ABCA13: variants seen among roughly 807,000 people sequenced by gnomAD.
ABCA13 encodes the protein ATP binding cassette subfamily A member 13, also known as ATP-binding cassette sub-family A member 13.
ABCA13 carries 476 observed loss-of-function variants against 478.7 expected under a neutral mutation model. The observed-to-expected ratio is 0.99, with a 90% CI of 0.92 to 1.07. ABCA13 has a LOEUF of 1.07. Among genes scored for constraint, ABCA13 ranks in the 50% least tolerant of loss-of-function variants. The probability of loss-of-function intolerance (pLI) is 0.00; values close to 1 mark genes in which losing one functional copy is unlikely to be tolerated. For synonymous variants in ABCA13, 2,252 were observed against 2,158.9 expected (o/e 1.04, Z -1.20); for missense variants, 6,060 against 5,910.6 (o/e 1.03, Z -0.83).
intron 48 of ABCA13, among the ~76,000 whole-genome samples, chr7:48,503,536 T>C (rs1247693129): frequency 6.6e-6 from 1 of 152,208 alleles, no homozygotes; most frequent in Non-Finnish European, 1.5e-5. Context: ...GATTTTGCAG[T>C]GTTTGTCTTT....
At chr7:48,591,234 T>C (rs1789710550) in intron 57 of ABCA13, among the ~76,000 whole-genome samples, 1 of 152,048 alleles carries the variant, frequency 6.6e-6, no homozygotes, top group Non-Finnish European at 1.5e-5. Flanking sequence ...GAAGAGACTG[T>C]CCTTTTCCCA....
chr7:48,267,660 G>T (rs1795043879), intron 15 of ABCA13, among the ~76,000 whole-genome samples: 1 of 152,074 alleles, frequency 6.6e-6, no homozygotes, highest in Non-Finnish European at 1.5e-5. Flanking sequence ...ACCTTTAAAA[G>T]CAAAAACCAC....
chr7:48,642,968 G>A (rs1795205062), intron 59 of ABCA13, among the ~76,000 whole-genome samples: 1 of 152,160 alleles, frequency 6.6e-6, no homozygotes, highest in African/African-American at 2.4e-5. Flanking sequence ...TTCCAGCCCA[G>A]CTTCCCACTT....
chr7:48,314,319 C>T lies in ABCA13; in HGVS notation c.9769C>T (p.Leu3257Phe). ...KMVCKDQASFLSDSNMFINLP... is the reference protein window; with the variant it reads ...KMVCKDQASFFSDSNMFINLP... ...GGTTTGCAAGGACCAAGCATCATTCCTTAGCGATTCTAATATGTTTATTAA... is the reference window on the plus strand; with the variant it reads ...GGTTTGCAAGGACCAAGCATCATTCTTTAGCGATTCTAATATGTTTATTAA... Residue 3257 changes from leucine (L) to phenylalanine (F), a missense_variant, in exon 26 of 62, where the codon CTT (leucine) becomes TTT (phenylalanine). By Grantham distance (22) the Leu-to-Phe change is conservative. Around this residue, in one of 3 missense-constraint regions of ABCA13, gnomAD observed 4,423 missense variants for 4,309.1 expected, o/e 1.03. Coordinates refer to ENST00000435803, the MANE Select transcript of ABCA13 (RefSeq NM_152701.5). 6.2e-7 allele frequency: 1 copy of T among 1,613,488 alleles called. No homozygotes were observed. Among genetic ancestry groups the T allele is most frequent in the African/African-American group, 1.3e-5 (1 of 75,026 alleles).
chr7:48,450,953 T>C (rs10270214), intron 42 of ABCA13, among the ~76,000 whole-genome samples: 44,436 of 150,490 alleles, frequency 0.3, 6,690 homozygotes, highest in East Asian at 0.38. Flanking sequence ...ACTTGTTTCT[T>C]GCCTCTTGTT....
At chr7:48,604,751 T>C (rs1791292056) in intron 58 of ABCA13, among the ~76,000 whole-genome samples, 3 of 152,204 alleles carry the variant, frequency 2.0e-5, no homozygotes, top group Admixed American at 1.3e-4. Context: ...GTCTGCTTGG[T>C]CCAGAGCTGA....
intron 20 of ABCA13, among the ~76,000 whole-genome samples, chr7:48,293,607 T>C (rs1798895600): frequency 1.3e-5 from 2 of 152,204 alleles, no homozygotes; most frequent in South Asian, 4.1e-4. Context: ...GTGTATAGAT[T>C]CATGTGTATG....
At chr7:48,480,943 A>G in intron 45 of ABCA13, 93 bp from the exon 46 acceptor site, 2 of 774,536 alleles carry the variant, frequency 2.6e-6, no homozygotes, top group Non-Finnish European at 4.4e-6. Context: ...ATTGAAAGCT[A>G]GAGAACAATC....
chr7:48,342,889 G>T (rs1461955378), intron 29 of ABCA13, among the ~76,000 whole-genome samples: 3 of 151,990 alleles, frequency 2.0e-5, no homozygotes, highest in African/African-American at 7.2e-5. Context: ...CATTTCAGTT[G>T]TTGCATTTTC....
intron 55 of ABCA13, among the ~76,000 whole-genome samples, chr7:48,535,861 C>T (rs1338007124): frequency 2.0e-5 from 3 of 152,138 alleles, no homozygotes; most frequent in Admixed American, 1.3e-4. Context: ...TCACTCCCAC[C>T]GTGGCCCTCC....
At chr7:48,413,088 G>T (rs536551165) in intron 41 of ABCA13, among the ~76,000 whole-genome samples, 121 of 152,200 alleles carry the variant, frequency 8.0e-4, no homozygotes, top group African/African-American at 2.7e-3. Flanking sequence ...TGGGATTACA[G>T]GTGTGAGCCC....
At chr7:48,465,823 CCT>C (rs1197631433) in intron 43 of ABCA13, among the ~76,000 whole-genome samples, 3 of 148,696 alleles carry the variant, frequency 2.0e-5, no homozygotes, top group Non-Finnish European at 4.4e-5. Flanking sequence ...TATTAACCAA[CCT>C]CTTTCTCTCC....
chr7:48,553,383 C>T (rs1164244920), intron 55 of ABCA13, among the ~76,000 whole-genome samples: 1 of 151,954 alleles, frequency 6.6e-6, no homozygotes, highest in Non-Finnish European at 1.5e-5. Flanking sequence ...TGAGGAACTT[C>T]CAAACTTTTC....
Position 48,236,409 on chromosome 7 carries a change from C to T in ABCA13, c.897+2258C>T, listed in dbSNP as rs536145942. On this transcript the variant is annotated intron_variant, in intron 8 of 61. Transcript: ENST00000435803. ...ACTCTATTTTTAAACAGTTAGGGAA[C>T]GGTAAGAAGTTTTTCCTGCCTCTGC... Among the ~76,000 whole-genome samples the T allele has an allele frequency of 6.6e-5, 10 of 152,238 alleles. No individual in the cohort carries two copies. In the East Asian group the frequency reaches 7.7e-4, roughly 12 times the overall value.
intron 2 of ABCA13, among the ~76,000 whole-genome samples, chr7:48,196,105 C>T (rs1797893475): frequency 6.6e-6 from 1 of 152,094 alleles, no homozygotes; most frequent in Admixed American, 6.5e-5. Flanking sequence ...GTGGCTAATG[C>T]AAAATTGTGA....
At chr7:48,362,289 C>T (rs1207153818) in intron 31 of ABCA13, among the ~76,000 whole-genome samples, 2 of 151,786 alleles carry the variant, frequency 1.3e-5, no homozygotes, top group East Asian at 3.9e-4. Flanking sequence ...TGCTTTGTTA[C>T]TGTGTGCATT....
At chr7:48,183,265 T>A (rs1795940562) in intron 1 of ABCA13, among the ~76,000 whole-genome samples, 1 of 152,220 alleles carries the variant, frequency 6.6e-6, no homozygotes, top group African/African-American at 2.4e-5. Context: ...CAAATCCACA[T>A]ACCGCATGAG....
intron 55 of ABCA13, among the ~76,000 whole-genome samples, chr7:48,549,083 C>T (rs1399828911): frequency 6.6e-6 from 1 of 151,730 alleles, no homozygotes; most frequent in Non-Finnish European, 1.5e-5. Context: ...TTCCAGGATA[C>T]AAGTGCAGAA....
At chr7:48,552,662 A>G (rs1322352322) in intron 55 of ABCA13, among the ~76,000 whole-genome samples, 1 of 151,164 alleles carries the variant, frequency 6.6e-6, no homozygotes, top group Non-Finnish European at 1.5e-5. Context: ...GTACAAAGTA[A>G]TGTTATGATT....
Sources: allele counts gnomAD v4.1 joint callset (sites outside exome capture counted in the v4.1 genomes callset), GRCh38; gene constraint gnomAD v4.1.1; regional missense constraint gnomAD v4.1.1; transcripts MANE v1.5; gene names NCBI Gene and HGNC (gene_info 2026-07-23, HGNC 2026-07-21).